USP8: variants seen among roughly 807,000 people sequenced by gnomAD.
The protein encoded by USP8 is ubiquitin carboxyl-terminal hydrolase 8.
A neutral mutation model predicts 130.0 loss-of-function variants in USP8; 27 were observed. The ratio of observed to expected loss-of-function variants is 0.21; its 90% CI spans 0.15 to 0.29. USP8 has a LOEUF of 0.29. USP8 is among the 10% of genes least tolerant of loss of function. The probability of loss-of-function intolerance (pLI) is 1.00; values close to 1 mark genes in which losing one functional copy is unlikely to be tolerated. For synonymous variants in USP8, 392 were observed against 444.1 expected (o/e 0.88, Z 1.48); for missense variants, 1,029 against 1,312.2 (o/e 0.78, Z 3.33).
At chr15:50,426,018 G>A (rs1410610210) in intron 1 of USP8, among the ~76,000 whole-genome samples, 3 of 152,194 alleles carry the variant, frequency 2.0e-5, no homozygotes, top group Non-Finnish European at 4.4e-5. Flanking sequence ...CTACTCTGGA[G>A]GCTGAGGCAG....
At chr15:50,428,197 C>T (rs62016941) in intron 1 of USP8, among the ~76,000 whole-genome samples, 289 of 151,870 alleles carry the variant, frequency 1.9e-3, no homozygotes, top group Middle Eastern at 3.5e-3. Flanking sequence ...GCTCACTGCA[C>T]CCTCCGTCTG....
At chr15:50,452,591 G>A (rs1276746955) in intron 4 of USP8, among the ~76,000 whole-genome samples, 1 of 152,178 alleles carries the variant, frequency 6.6e-6, no homozygotes, top group South Asian at 2.1e-4. Flanking sequence ...TACTGTTCCA[G>A]CATAGAGCAC....
In USP8 at chr15:50,502,075, C is replaced by T. The variant is rs1301897562; in HGVS notation, c.*2987C>T. The T allele has an allele frequency of 2.0e-5, 3 of 152,320 alleles. No individual in the cohort carries two copies. The highest frequency in any genetic ancestry group is 3.9e-4 in the East Asian group (2 of 5,192). 9.4% of individuals were successfully genotyped at this position (152,320 alleles called of 1,614,324 possible). A position where few individuals can be genotyped will look rare whatever the true frequency, so the allele number is the denominator to read the frequency against. On this transcript the variant is annotated 3_prime_UTR_variant, in exon 20 of 20. Coordinates refer to ENST00000307179, the MANE Select transcript of USP8 (RefSeq NM_005154.5). Reference sequence around the variant, plus strand: ...TTTAACAGAATAAGTTTGCTGACCTCTGCTGTAGAGGAAGAAAATTGATTA... The same window carrying T: ...TTTAACAGAATAAGTTTGCTGACCTTTGCTGTAGAGGAAGAAAATTGATTA...
intron 15 of USP8, chr15:50,493,781 G>A: frequency 1.9e-6 from 1 of 521,576 alleles, no homozygotes; most frequent in East Asian, 4.1e-5. Context: ...ATTAGTAAAG[G>A]ACAGACAGGA....
At chr15:50,443,674 G>A (rs2050330650) in intron 3 of USP8, among the ~76,000 whole-genome samples, 1 of 151,754 alleles carries the variant, frequency 6.6e-6, no homozygotes, top group African/African-American at 2.4e-5. Context: ...AGTAGAGATG[G>A]GCTTTCACCA....
rs755896571 is a variant in USP8, at chr15:50,477,429, C to A, written c.1148C>A (p.Pro383Gln). ...CTGAATATATCAACTCCAGTTGAACCAGTTGCTGCTTCTAAATCTGATGTT... is the reference window on the plus strand; with the variant it reads ...CTGAATATATCAACTCCAGTTGAACAAGTTGCTGCTTCTAAATCTGATGTT... The part of the protein sequence containing the change: ...GPLNISTPVE[P>Q]VAASKSDVSP... The change falls in exon 10 of 20, where the codon CCA (proline) becomes CAA (glutamine). Residue 383 changes from proline (P) to glutamine (Q), a missense_variant. Physicochemically the swap from Pro to Gln is moderately conservative, Grantham distance 76. Transcript: ENST00000307179. The A allele has an allele frequency of 1.2e-6, 2 of 1,613,980 alleles. No individual in the cohort carries two copies. Among genetic ancestry groups the A allele is most frequent in the Admixed American group, 1.7e-5 (1 of 59,992 alleles).
chr15:50,500,940 C>G lies in USP8; in HGVS notation c.*1852C>G. ...GATGCTTTTTAAATTGTCCCTTATT[C>G]TAAATTAAAAGGAAGTGATAATTTT... On this transcript the variant is annotated 3_prime_UTR_variant, in exon 20 of 20. Coordinates refer to ENST00000307179, the MANE Select transcript of USP8 (RefSeq NM_005154.5). 1 of 983,306 alleles carries G rather than the reference C, an allele frequency of 1.0e-6. No homozygotes were observed. Among genetic ancestry groups the G allele is most frequent in the Non-Finnish European group, 1.6e-6 (1 of 644,628 alleles). The allele number at this position is 983,306 out of a possible 1,614,324, so 60.9% of individuals were successfully genotyped here.
chr15:50,489,424 A>G (rs970835874), intron 12 of USP8: 1 of 156,436 alleles, frequency 6.4e-6, no homozygotes, highest in Non-Finnish European at 1.4e-5. Flanking sequence ...GCTGTGGAAA[A>G]CTAAAAAAAA....
At chr15:50,475,811 C>G (rs926872044) in intron 8 of USP8, among the ~76,000 whole-genome samples, 1 of 152,092 alleles carries the variant, frequency 6.6e-6, no homozygotes, top group African/African-American at 2.4e-5. Context: ...CCATGTTGGT[C>G]AGGCTGGTCT....
At chr15:50,454,195 A>G (rs2050715921) in intron 4 of USP8, among the ~76,000 whole-genome samples, 1 of 151,994 alleles carries the variant, frequency 6.6e-6, no homozygotes, top group Non-Finnish European at 1.5e-5. Context: ...TTTTAACTAG[A>G]TACAGGATTC....
intron 12 of USP8, among the ~76,000 whole-genome samples, chr15:50,485,550 ATTTTTTTTTTTTTTTTT>A (rs71424071): frequency 1.3e-3 from 35 of 27,948 alleles, no homozygotes; most frequent in East Asian, 4.6e-3. Flanking sequence ...CAGTTTAGTG[ATTTTTTTTTTTTTTTTT>A]TTTTTTTTTT....
rs71424071 is a variant in USP8, at chr15:50,485,550, ATTTTTTTTTTTTTT to A, written c.1890+1209_1890+1222del. Among the ~76,000 whole-genome samples the A allele has an allele frequency of 4.7e-3, 131 of 27,958 alleles. 4 individuals are homozygous for A. The highest frequency in any genetic ancestry group is 0.047 in the East Asian group (31 of 664). The allele number at this position is 27,958 out of a possible 152,430, so 18.3% of individuals were successfully genotyped here. On this transcript the variant is annotated intron_variant, in intron 12 of 19. Transcript: ENST00000307179. ...CCCATTTTTAGCATGCAGTTTAGTG[ATTTTTTTTTTTTTT>A]TTTTTTTTTTTTTTTTTTTAGTAAT...
At chr15:50,473,816 A>AT (rs1166901035) in intron 8 of USP8, among the ~76,000 whole-genome samples, 13 of 149,220 alleles carry the variant, frequency 8.7e-5, no homozygotes, top group South Asian at 2.1e-4. Context: ...ATATATATAT[A>AT]TATATTTTTT....
At chr15:50,432,403 C>A (rs1263115629) in intron 1 of USP8, 1 of 152,264 alleles carries the variant, frequency 6.6e-6, no homozygotes, top group East Asian at 1.9e-4. Context: ...CCTCCCACCT[C>A]AGTCTCCCAG....
rs397853938 is a variant in USP8 at position 50,488,552 on chromosome 15, CTTTTTTTTTTTT to C, written c.1891-1231_1891-1220del. ...GTGCATGCCATCACATCAAGGTTGG[CTTTTTTTTTTTT>C]TTTTTTTTTTTTTTTTTGGAGATGG... On this transcript the variant is annotated intron_variant, in intron 12 of 19. Coordinates refer to ENST00000307179, the MANE Select transcript of USP8 (RefSeq NM_005154.5). Among the ~76,000 whole-genome samples the C allele has an allele frequency of 4.9e-4, 35 of 70,940 alleles. 3 individuals are homozygous for C. In the South Asian group the frequency reaches 0.014, roughly 28 times the overall value. The allele number at this position is 70,940 out of a possible 152,430, so 46.5% of individuals were successfully genotyped here.
At position 50,504,636 on chromosome 15, in the gene USP8, G is replaced by C. The variant is rs567162436; in HGVS notation, c.*5548G>C. The stretch of plus-strand genomic sequence containing the variant: ...GGAACCAACTCCCTGCAGATACTGA[G>C]GTACAACTGTACTGGAAATTAACTT... On this transcript the variant is annotated 3_prime_UTR_variant, in exon 20 of 20. Coordinates refer to ENST00000307179, the MANE Select transcript of USP8 (RefSeq NM_005154.5). 3.3e-5 allele frequency: 5 copies of C among 152,160 alleles called. No homozygotes were observed. Among genetic ancestry groups the C allele is most frequent in the Non-Finnish European group, 7.3e-5 (5 of 68,066 alleles). The allele number at this position is 152,160 out of a possible 1,614,324, so 9.4% of individuals were successfully genotyped here. A position where few individuals can be genotyped will look rare whatever the true frequency, so the allele number is the denominator to read the frequency against.
chr15:50,505,402 A>C lies in USP8; in HGVS notation c.*6314A>C, dbSNP rs957816047. On this transcript the variant is annotated 3_prime_UTR_variant, in exon 20 of 20. Coordinates refer to ENST00000307179, the MANE Select transcript of USP8 (RefSeq NM_005154.5). ...AAAATAATAGAGAAAAATAACTGTC[A>C]ATCTGGAATTTGATTTCTAGTTATC... The C allele has an allele frequency of 1.2e-4, 18 of 152,212 alleles. No individual in the cohort carries two copies. The highest frequency in any genetic ancestry group is 2.2e-4 in the Non-Finnish European group (15 of 68,048). The allele number at this position is 152,212 out of a possible 1,614,324, so 9.4% of individuals were successfully genotyped here. A position where few individuals can be genotyped will look rare whatever the true frequency, so the allele number is the denominator to read the frequency against.
chr15:50,478,666 C>G (rs1382435834), intron 10 of USP8, among the ~76,000 whole-genome samples: 1 of 152,130 alleles, frequency 6.6e-6, no homozygotes, highest in Admixed American at 6.6e-5. Flanking sequence ...TTCCTTTCAA[C>G]TTAATCTATT....
chr15:50,432,687 C>T (rs1432736925), intron 1 of USP8, among the ~76,000 whole-genome samples: 4 of 152,112 alleles, frequency 2.6e-5, no homozygotes, highest in African/African-American at 9.7e-5. Context: ...CATTTTCATC[C>T]AGTGTTATAT....
Sources: gnomAD v4.1 joint callset for allele counts (sites outside exome capture counted in the v4.1 genomes callset) on GRCh38, gnomAD v4.1.1 for gene constraint, MANE v1.5 for transcripts, NCBI Gene and HGNC (gene_info 2026-07-23, HGNC 2026-07-21) for gene names.